The following SMCO4 variants were observed in gnomAD, a reference collection of about 807,000 sequenced individuals.
SMCO4 encodes single-pass membrane and coiled-coil domain-containing protein 4.
Under a neutral mutation model 3.6 loss-of-function variants are expected in SMCO4, and 4 were observed. That is an observed-to-expected ratio of 1.11 (90% confidence interval 0.54 to 2.53). The LOEUF (loss-of-function observed/expected upper bound fraction) is 2.53. Ranked by LOEUF, SMCO4 falls within the 30% of genes most tolerant of loss-of-function variation. SMCO4 has a pLI of 0.02. For synonymous variants in SMCO4, 36 were observed against 35.3 expected, an observed-to-expected ratio of 1.02 and a Z score of -0.07; for missense variants, 70 against 80.8, an observed-to-expected ratio of 0.87 and a Z score of 0.51.
the SMCO4 span, among the ~76,000 whole-genome samples, chr11:93,548,482 G>A: frequency 6.6e-6 from 1 of 152,192 alleles, no homozygotes; most frequent in African/African-American, 2.4e-5. Flanking sequence ...TGTTTCTCAT[G>A]TTTTAATCAT....
At chr11:93,505,509 T>C (rs893540828) in intron 1 of SMCO4, among the ~76,000 whole-genome samples, 4 of 152,112 alleles carry the variant, frequency 2.6e-5, no homozygotes, top group African/African-American at 9.7e-5. Context: ...TCTGTAAAAA[T>C]GAAAAGGCCA....
intron 1 of SMCO4, among the ~76,000 whole-genome samples, chr11:93,516,293 A>C (rs1258727955): frequency 6.6e-6 from 1 of 152,208 alleles, no homozygotes; most frequent in Non-Finnish European, 1.5e-5. Flanking sequence ...AAGGGGAGTC[A>C]GGCAGATAAA....
upstream of SMCO4, among the ~76,000 whole-genome samples, chr11:93,547,390 A>C (rs1949322357): frequency 6.6e-6 from 1 of 152,208 alleles, no homozygotes; most frequent in Non-Finnish European, 1.5e-5. Flanking sequence ...AAACCAGTGA[A>C]TGTCCACTAC....
intron 1 of SMCO4, among the ~76,000 whole-genome samples, chr11:93,510,105 G>A (rs1157207373): frequency 6.6e-6 from 1 of 152,144 alleles, no homozygotes; most frequent in Non-Finnish European, 1.5e-5. Context: ...CATAAAATGG[G>A]GAGTCCACCA....
chr11:93,535,045 A>G (rs1340098994), intron 1 of SMCO4, among the ~76,000 whole-genome samples: 2 of 152,178 alleles, frequency 1.3e-5, no homozygotes, highest in Non-Finnish European at 2.9e-5. Context: ...CCAGCACGCA[A>G]TCTTTAAGTG....
At chr11:93,541,138 A>T (rs1949267620) in intron 1 of SMCO4, among the ~76,000 whole-genome samples, 1 of 152,218 alleles carries the variant, frequency 6.6e-6, no homozygotes, top group Admixed American at 6.5e-5. Context: ...CTTGATCATT[A>T]ATGTGTGGTG....
At chr11:93,526,942 T>C (rs75052428) in intron 1 of SMCO4, among the ~76,000 whole-genome samples, 2 of 152,178 alleles carry the variant, frequency 1.3e-5, no homozygotes, top group Non-Finnish European at 2.9e-5. Flanking sequence ...CTCTAGGCCA[T>C]TGCCCTTTCC....
At chr11:93,487,783 A>C (rs1282944944) in intron 2 of SMCO4, among the ~76,000 whole-genome samples, 2 of 152,234 alleles carry the variant, frequency 1.3e-5, no homozygotes, top group African/African-American at 4.8e-5. Context: ...ACGGTAAATT[A>C]AGTGCATGTC....
At chr11:93,507,192 G>C (rs552674902) in intron 1 of SMCO4, among the ~76,000 whole-genome samples, 13 of 152,278 alleles carry the variant, frequency 8.5e-5, no homozygotes, top group African/African-American at 2.6e-4. Context: ...ATCACCTGAG[G>C]TCAGGAGTTC....
intron 1 of SMCO4, among the ~76,000 whole-genome samples, chr11:93,507,764 T>G (rs1267596882): frequency 6.6e-6 from 1 of 152,180 alleles, no homozygotes; most frequent in Non-Finnish European, 1.5e-5. Flanking sequence ...AAAGGGCTAT[T>G]AAAACACTCC....
chr11:93,503,064 CCA>C (rs1470830925), intron 1 of SMCO4, among the ~76,000 whole-genome samples: 8 of 152,120 alleles, frequency 5.3e-5, no homozygotes, highest in African/African-American at 1.7e-4. Flanking sequence ...GAGTCTGGCT[CCA>C]GAGTCCATTG....
intron 2 of SMCO4, among the ~76,000 whole-genome samples, chr11:93,495,008 T>A (rs915869005): frequency 1.3e-5 from 2 of 152,224 alleles, no homozygotes; most frequent in East Asian, 3.9e-4. Flanking sequence ...TTCTCTGGCA[T>A]GCCACACCCT....
the SMCO4 span, among the ~76,000 whole-genome samples, chr11:93,551,783 A>C: frequency 6.6e-6 from 1 of 152,220 alleles, no homozygotes; most frequent in Non-Finnish European, 1.5e-5. Context: ...AGCATTTAGT[A>C]GTGTACTAAA....
intron 2 of SMCO4, among the ~76,000 whole-genome samples, chr11:93,481,143 G>T (rs995366891): frequency 6.6e-6 from 1 of 152,124 alleles, no homozygotes; most frequent in South Asian, 2.1e-4. Context: ...GGACTTCCAG[G>T]CAGACTTGCC....
chr11:93,523,987 T>G lies in SMCO4; in HGVS notation c.-154+19289A>C, dbSNP rs117857398. Among the ~76,000 whole-genome samples the G allele has an allele frequency of 3.6e-3, 541 of 152,198 alleles. 17 individuals are homozygous for G. In the East Asian group the frequency reaches 0.075, roughly 21 times the overall value. On this transcript the variant is annotated intron_variant, in intron 1 of 2. Coordinates refer to ENST00000298966, the MANE Select transcript of SMCO4 (RefSeq NM_020179.3). ...TTTAAGCTTCATCCTCTCCTTCTTG[T>G]TTTGGGGGAGGAAGTGTGCAGGGAA...
At chr11:93,513,096 T>C (rs926261018) in intron 1 of SMCO4, among the ~76,000 whole-genome samples, 16 of 152,186 alleles carry the variant, frequency 1.1e-4, no homozygotes, top group African/African-American at 3.6e-4. Flanking sequence ...TCATCCAACT[T>C]GCATTTTATA....
At chr11:93,519,183 G>C (rs1301051273) in intron 1 of SMCO4, among the ~76,000 whole-genome samples, 1 of 152,160 alleles carries the variant, frequency 6.6e-6, no homozygotes, top group Non-Finnish European at 1.5e-5. Context: ...ATTTTTATGA[G>C]GCCTAGTCAG....
intron 1 of SMCO4, among the ~76,000 whole-genome samples, chr11:93,533,700 G>C (rs1404623524): frequency 6.6e-6 from 1 of 152,124 alleles, no homozygotes; most frequent in Non-Finnish European, 1.5e-5. Context: ...TATTGGAAGA[G>C]AACATCCCAA....
intron 1 of SMCO4, among the ~76,000 whole-genome samples, chr11:93,503,274 A>G (rs1038760129): frequency 6.6e-6 from 1 of 152,248 alleles, no homozygotes; most frequent in Non-Finnish European, 1.5e-5. Context: ...ACGGTGGCAG[A>G]CAAGAGATAA....
Sources: gnomAD v4.1 joint callset for allele counts (sites outside exome capture counted in the v4.1 genomes callset) on GRCh38, gnomAD v4.1.1 for gene constraint, MANE v1.5 for transcripts, NCBI Gene and HGNC (gene_info 2026-07-23, HGNC 2026-07-21) for gene names.